The following SMOX variants were observed in gnomAD, a reference collection of about 807,000 sequenced individuals.
SMOX encodes the protein flavin containing amine oxidase.
In SMOX, 22 loss-of-function variants were observed where a neutral mutation model predicts 51.0. That is an observed-to-expected ratio of 0.43 (90% CI 0.31 to 0.62). The LOEUF (loss-of-function observed/expected upper bound fraction) is 0.62, where lower values mean the gene tolerates loss of function less well. Ranked by LOEUF, SMOX falls within the 20% of genes least tolerant of loss-of-function variation. SMOX has a pLI of 0.10. For synonymous variants in SMOX, 282 were observed against 307.8 expected (o/e 0.92, Z 0.88); for missense variants, 566 against 777.7 (o/e 0.73, Z 3.24).
At position 4,183,189 on chromosome 20, in the gene SMOX, T is replaced by C; in HGVS notation, c.1370-305T>C. ...TCAGCTCAACATTTTTCACCCACTATTCCAGGAGGACCTCACGAGAACCCC... is the reference window on the plus strand; with the variant it reads ...TCAGCTCAACATTTTTCACCCACTACTCCAGGAGGACCTCACGAGAACCCC... On this transcript the variant is annotated intron_variant, in intron 5 of 6. Transcript: ENST00000305958. This position sits in a 1 kb window ranked among gnomAD's most constrained non-coding sequence, Gnocchi z 4.3. 1 of 563,356 alleles carries C rather than the reference T, an allele frequency of 1.8e-6. No individual in the cohort carries two copies. Among genetic ancestry groups the C allele is most frequent in the Non-Finnish European group, 3.2e-6 (1 of 317,454 alleles). The allele number at this position is 563,356 out of a possible 1,614,324, so 34.9% of individuals were successfully genotyped here.
chr20:4,154,667 A>T (rs182723062), intron 1 of SMOX, among the ~76,000 whole-genome samples: 40 of 152,210 alleles, frequency 2.6e-4, no homozygotes, highest in Middle Eastern at 3.4e-3. Context: ...CTGGCCTGAG[A>T]CTGCATTTTT....
chr20:4,179,066 GCA>G (rs1261327184), intron 3 of SMOX, among the ~76,000 whole-genome samples: 12 of 152,176 alleles, frequency 7.9e-5, no homozygotes, highest in Non-Finnish European at 1.6e-4. Context: ...TGGAGGACAG[GCA>G]CACTTGGTGT....
intron 1 of SMOX, among the ~76,000 whole-genome samples, chr20:4,156,862 C>G (rs1044605435): frequency 6.6e-6 from 1 of 152,192 alleles, no homozygotes; most frequent in African/African-American, 2.4e-5. Context: ...CTTGCCTCAG[C>G]CTCCCGAGTA....
At chr20:4,186,978 A>AG in intron 6 of SMOX, 1 of 608,650 alleles carries the variant, frequency 1.6e-6, no homozygotes, top group Non-Finnish European at 3.0e-6. Context: ...AGCAAGGCTT[A>AG]GGGAGGTTAA....
rs965473669 is a variant in SMOX at position 4,182,493 on chromosome 20, G to A, written c.1014G>A (p.Lys338=). The change falls in exon 5 of 7, where the codon AAG becomes AAA. Residue 338 remains lysine, a synonymous_variant. Coordinates refer to ENST00000305958, the MANE Select transcript of SMOX (RefSeq NM_175839.3). This position sits in a 1 kb window ranked among gnomAD's most constrained non-coding sequence, Gnocchi z 8.4. ...VIVTVSLGVL[K]RQYTSFFRPG... ...TGACCGTGTCGCTAGGTGTGCTAAAGAGGCAGTACACCAGTTTCTTCCGGC... is the reference window on the plus strand; with the variant it reads ...TGACCGTGTCGCTAGGTGTGCTAAAAAGGCAGTACACCAGTTTCTTCCGGC... 12 of 1,605,388 alleles carry A rather than the reference G, an allele frequency of 7.5e-6. No homozygotes were observed. Among genetic ancestry groups the A allele is most frequent in the African/African-American group, 2.7e-5 (2 of 74,768 alleles).
intron 1 of SMOX, among the ~76,000 whole-genome samples, chr20:4,160,875 A>G (rs1187052408): frequency 2.0e-5 from 3 of 152,166 alleles, no homozygotes; most frequent in African/African-American, 7.2e-5. Flanking sequence ...CACAGGTCCC[A>G]GGCTGGGCAG....
intron 6 of SMOX, among the ~76,000 whole-genome samples, chr20:4,184,161 CTTT>C (rs11418906): frequency 7.3e-6 from 1 of 137,798 alleles, no homozygotes. Context: ...AATTTTTGTA[CTTT>C]TTTTTTTTTT....
At position 4,166,439 on chromosome 20, in the gene SMOX, C is replaced by T. The variant is rs1380270557; in HGVS notation, c.-26-8591C>T. Among the ~76,000 whole-genome samples the T allele has an allele frequency of 7.2e-5, 11 of 152,054 alleles. No individual in the cohort carries two copies. Among genetic ancestry groups the T allele is most frequent in the Admixed American group, 5.2e-4 (8 of 15,282 alleles). On this transcript the variant is annotated intron_variant, in intron 1 of 6. Transcript: ENST00000305958. This position sits in a 1 kb window ranked among gnomAD's most constrained non-coding sequence, Gnocchi z 4.2. The stretch of plus-strand genomic sequence containing the variant: ...CATGGTTCACTGTAGCCTCGACTTC[C>T]TAGACTGAAGCAATCCTCCTGCCTT...
Position 4,187,343 on chromosome 20 carries a change from C to T in SMOX, c.1604C>T (p.Ser535Phe), listed in dbSNP as rs1428421801. 1 of 1,614,218 alleles carries T rather than the reference C, an allele frequency of 6.2e-7. No homozygotes were observed. Among genetic ancestry groups the T allele is most frequent in the South Asian group, 1.1e-5 (1 of 91,088 alleles). The change falls in exon 7 of 7, where the codon TCC becomes TTC. Residue 535 changes from serine (S) to phenylalanine (F), a missense_variant. Ser to Phe is a radical substitution (Grantham distance 155). This residue lies in a region of SMOX where 347 missense variants were observed against 481.8 expected (regional missense o/e 0.72). Transcript: ENST00000305958. The surrounding 1 kb of genome is among the most constrained non-coding windows in gnomAD (Gnocchi z 4.8). Reference protein sequence around the residue: ...YYSTTHGALLSGQREAARLIE... With the variant: ...YYSTTHGALLFGQREAARLIE... ...TCCACCACCCACGGTGCTCTGCTGTCCGGCCAGCGTGAGGCTGCCCGCCTC... is the reference window on the plus strand; with the variant it reads ...TCCACCACCCACGGTGCTCTGCTGTTCGGCCAGCGTGAGGCTGCCCGCCTC...
intron 1 of SMOX, among the ~76,000 whole-genome samples, chr20:4,150,438 C>T (rs1985681281): frequency 6.6e-6 from 1 of 152,198 alleles, no homozygotes; most frequent in Non-Finnish European, 1.5e-5. Flanking sequence ...CCTCCCTTGG[C>T]TTCTGGTTTT....
chr20:4,174,079 G>T (rs1978633258), intron 1 of SMOX, among the ~76,000 whole-genome samples: 1 of 152,236 alleles, frequency 6.6e-6, no homozygotes, highest in Non-Finnish European at 1.5e-5. Flanking sequence ...GGACTGGGTG[G>T]CTGGGAAAAC....
Position 4,182,369 on chromosome 20 carries a change from G to A in SMOX, c.890G>A (p.Gly297Glu), listed in dbSNP as rs1470027651. ...NHDTGEGGQG[G>E]EEPRGGRWDE... ...GACACTGGGGAGGGTGGCCAGGGTG[G>A]AGAGGAGCCCCGGGGGGGCAGGTGG... Residue 297 changes from glycine (G) to glutamate (E), a missense_variant, in exon 5 of 7, where the codon GGA becomes GAA. Around this residue, in one of 3 missense-constraint regions of SMOX, gnomAD observed 347 missense variants for 481.8 expected, o/e 0.72. Coordinates refer to ENST00000305958, the MANE Select transcript of SMOX (RefSeq NM_175839.3). This position sits in a 1 kb window ranked among gnomAD's most constrained non-coding sequence, Gnocchi z 8.4. 1.3e-6 allele frequency: 2 copies of A among 1,596,442 alleles called. No individual in the cohort carries two copies. Among genetic ancestry groups the A allele is most frequent in the South Asian group, 1.1e-5 (1 of 87,926 alleles).
At chr20:4,186,958 A>G (rs1979784006) in intron 6 of SMOX, 6 of 617,772 alleles carry the variant, frequency 9.7e-6, no homozygotes, top group Middle Eastern at 5.1e-4. Context: ...CCCATTTGGA[A>G]GATGAGAAAA....
intron 6 of SMOX, among the ~76,000 whole-genome samples, chr20:4,184,605 T>G (rs974012860): frequency 6.6e-5 from 10 of 152,128 alleles, no homozygotes; most frequent in Admixed American, 2.0e-4. Flanking sequence ...AACAGTTATA[T>G]TTAAAACAAT....
In SMOX at chr20:4,177,613, T is replaced by C. The variant is rs1978975811; in HGVS notation, c.435+36T>C. 1.9e-6 allele frequency: 3 copies of C among 1,543,612 alleles called. No individual in the cohort carries two copies. The highest frequency in any genetic ancestry group is 2.7e-5 in the African/African-American group (2 of 73,400). Reference sequence around the variant, plus strand: ...AGCAGAGTAGCTGGGCGTAAGGGCATGGGGAGACCTGGGAGGTCTGTGATT... The same window carrying C: ...AGCAGAGTAGCTGGGCGTAAGGGCACGGGGAGACCTGGGAGGTCTGTGATT... On this transcript the variant is annotated intron_variant, in intron 3 of 6. Coordinates refer to ENST00000305958, the MANE Select transcript of SMOX (RefSeq NM_175839.3). This position sits in a 1 kb window ranked among gnomAD's most constrained non-coding sequence, Gnocchi z 4.3.
chr20:4,183,402 AGGTGGGGTGGGGGGTTGTCCCTTTGG>A lies in SMOX; in HGVS notation c.1370-88_1370-63del. ...CAGTCTGGTCCTCCCGGAGCCCTGGAGGTGGGGTGGGGGGTTGTCCCTTTGGGGTCATCTTCCATATGCAGCCATTT... is the reference window on the plus strand; with the variant it reads ...CAGTCTGGTCCTCCCGGAGCCCTGGAGGTCATCTTCCATATGCAGCCATTT... On this transcript the variant is annotated intron_variant, in intron 5 of 6. Transcript: ENST00000305958. The surrounding 1 kb of genome is among the most constrained non-coding windows in gnomAD (Gnocchi z 4.3). The A allele has an allele frequency of 6.3e-7, 1 of 1,587,752 alleles. No individual in the cohort carries two copies. Among genetic ancestry groups the A allele is most frequent in the Admixed American group, 1.7e-5 (1 of 59,912 alleles).
chr20:4,180,415 G>A (rs1298032437), intron 3 of SMOX, among the ~76,000 whole-genome samples: 1 of 152,178 alleles, frequency 6.6e-6, no homozygotes, highest in Non-Finnish European at 1.5e-5. Context: ...TCCCAGACAT[G>A]TGTGCTGACC....
At position 4,175,255 on chromosome 20, in the gene SMOX, T is replaced by G; in HGVS notation, c.200T>G (p.Val67Gly). Residue 67 changes from valine (V) to glycine (G), a missense_variant, in exon 2 of 7, where the codon GTG (valine) becomes GGG (glycine). Physicochemically the swap from Val to Gly is moderately radical, Grantham distance 109 (BLOSUM62 -3). Around this residue, in one of 3 missense-constraint regions of SMOX, gnomAD observed 217 missense variants for 278.4 expected, o/e 0.78. Transcript: ENST00000305958. Reference protein sequence around the residue: ...SSHIGGRVQSVKLGHATFELG... With the variant: ...SSHIGGRVQSGKLGHATFELG... ...CACATCGGAGGCCGTGTGCAGAGTGTGAAACTTGGTAAGTGCCACCCAGTC... is the reference window on the plus strand; with the variant it reads ...CACATCGGAGGCCGTGTGCAGAGTGGGAAACTTGGTAAGTGCCACCCAGTC... 6.2e-7 allele frequency: 1 copy of G among 1,614,018 alleles called. No individual in the cohort carries two copies. Among genetic ancestry groups the G allele is most frequent in the Non-Finnish European group, 8.5e-7 (1 of 1,179,968 alleles).
At chr20:4,171,870 C>T (rs1185548970) in intron 1 of SMOX, 1 of 152,234 alleles carries the variant, frequency 6.6e-6, no homozygotes, top group African/African-American at 2.4e-5. Context: ...CTTGTGACAT[C>T]CATGGAGGGC....
Sources: gnomAD v4.1 joint callset for allele counts (sites outside exome capture counted in the v4.1 genomes callset) on GRCh38, gnomAD v4.1.1 for gene constraint, gnomAD v4.1.1 regional missense constraint, Gnocchi (gnomAD v3.1) non-coding constraint, MANE v1.5 for transcripts, NCBI Gene and HGNC (gene_info 2026-07-23, HGNC 2026-07-21) for gene names.